The following BLVRB variants were observed in gnomAD, a reference collection of about 807,000 sequenced individuals.
BLVRB encodes the protein biliverdin reductase B.
In BLVRB, 25 loss-of-function variants were observed where a neutral mutation model predicts 21.1. The observed-to-expected ratio is 1.19, with a 90% CI of 0.86 to 1.66. The LOEUF (loss-of-function observed/expected upper bound fraction) is 1.66. Ranked by LOEUF, BLVRB falls within the 40% of genes most tolerant of loss-of-function variation. The pLI is 0.00. For synonymous variants in BLVRB, 128 were observed against 122.2 expected, an observed-to-expected ratio of 1.05 and a Z score of -0.31; for missense variants, 274 against 282.7, an observed-to-expected ratio of 0.97 and a Z score of 0.22.
chr19:40,450,928 C>T (rs2079737115), intron 4 of BLVRB, among the ~76,000 whole-genome samples: 1 of 118,198 alleles, frequency 8.5e-6, no homozygotes. Flanking sequence ...TAAGCCATGG[C>T]GGGGCATGGT....
intron 3 of BLVRB, among the ~76,000 whole-genome samples, chr19:40,453,667 T>G (rs2079750231): frequency 1.3e-5 from 2 of 152,302 alleles, no homozygotes; most frequent in South Asian, 4.1e-4. Flanking sequence ...GGCCAGCTTC[T>G]TGTTTCCTCA....
At chr19:40,458,049 AATGCACAGT>A (rs1190481068) in intron 3 of BLVRB, 97 bp downstream of exon 3, 1 of 1,114,486 alleles carries the variant, frequency 9.0e-7, no homozygotes, top group East Asian at 2.5e-5. Flanking sequence ...GTGTTCAGTA[AATGCACAGT>A]AACATGGAAT....
At position 40,447,905 on chromosome 19, in the gene BLVRB, G is replaced by A. The variant is rs770469496; in HGVS notation, c.605C>T (p.Ser202Phe). 2 of 1,613,852 alleles carry A rather than the reference G, an allele frequency of 1.2e-6. No individual in the cohort carries two copies. The highest frequency in any genetic ancestry group is 2.2e-5 in the East Asian group (1 of 44,850). The change falls in exon 5 of 5, where the codon TCC becomes TTC. Residue 202 changes from serine (S) to phenylalanine (F), a missense_variant. By Grantham distance (155) the Ser-to-Phe change is radical. Coordinates refer to ENST00000263368, the MANE Select transcript of BLVRB (RefSeq NM_000713.3). ...GACAGAGTGCTACTGGTACTGGTGG[G>A]AGGGGTAGGTGCTGTGTCCGTCGTA... is the stretch of plus-strand genomic sequence containing the variant. ...DEYDGHSTYP[S>F]HQYQ
At chr19:40,449,155 C>G (rs540891002) in intron 4 of BLVRB, among the ~76,000 whole-genome samples, 1 of 151,776 alleles carries the variant, frequency 6.6e-6, no homozygotes, top group Non-Finnish European at 1.5e-5. Flanking sequence ...TGTGACAAAA[C>G]AGCTAGAAAA....
chr19:40,455,941 A>C (rs1056995254), intron 3 of BLVRB, among the ~76,000 whole-genome samples: 1 of 152,042 alleles, frequency 6.6e-6, no homozygotes, highest in Admixed American at 6.6e-5. Context: ...GCGAAACTCT[A>C]TCTCTACCAA....
chr19:40,451,326 A>C (rs1354876830), intron 4 of BLVRB, 38 bp downstream of exon 4: 1 of 1,581,602 alleles, frequency 6.3e-7, no homozygotes, highest in African/African-American at 1.3e-5. Flanking sequence ...GGGAACAGGC[A>C]GATGGCATTG....
intron 4 of BLVRB, 66 bp from the exon 5 acceptor site, chr19:40,448,112 C>T (rs2079722346): frequency 6.5e-7 from 1 of 1,537,386 alleles, no homozygotes; most frequent in Admixed American, 1.8e-5. Context: ...AAATTCGACC[C>T]CCAGAAAGAC....
intron 1 of BLVRB, among the ~76,000 whole-genome samples, chr19:40,463,623 C>G: frequency 7.1e-6 from 1 of 140,972 alleles, no homozygotes; most frequent in Non-Finnish European, 1.5e-5. Flanking sequence ...TTCCTTCTTT[C>G]CTTTCATCTT....
chr19:40,461,051 T>TA (rs1237093341), intron 1 of BLVRB, among the ~76,000 whole-genome samples: 1 of 151,536 alleles, frequency 6.6e-6, no homozygotes, highest in Non-Finnish European at 1.5e-5. Context: ...AAAGACACAA[T>TA]AAAAAAATTA....
chr19:40,459,327 C>CAAAAAAAAAAAA lies in BLVRB; in HGVS notation c.80-794_80-783dup, dbSNP rs751696189. 4.4e-4 allele frequency among the ~76,000 whole-genome samples: 15 copies of CAAAAAAAAAAAA among 34,424 alleles called. 2 individuals are homozygous for CAAAAAAAAAAAA. Among genetic ancestry groups the CAAAAAAAAAAAA allele is most frequent in the Non-Finnish European group, 4.7e-4 (9 of 18,952 alleles). The allele number at this position is 34,424 out of a possible 152,430, so 22.6% of individuals were successfully genotyped here. A position where few individuals can be genotyped will look rare whatever the true frequency, so the allele number is the denominator to read the frequency against. On this transcript the variant is annotated intron_variant, in intron 1 of 4. Transcript: ENST00000263368. ...TGGATGACAAAGCGAGACTCTATCT[C>CAAAAAAAAAAAA]AAAAAAAAAAAAAAAAAAAAAAAAA...
At chr19:40,450,848 A>ATCTG (rs1207647544) in intron 4 of BLVRB, among the ~76,000 whole-genome samples, 2 of 147,362 alleles carry the variant, frequency 1.4e-5, no homozygotes, top group African/African-American at 5.0e-5. Flanking sequence ...CTATGTATCT[A>ATCTG]TCTATCTATC....
chr19:40,458,174 C>T lies in BLVRB; in HGVS notation c.315G>A (p.Lys105=). 6.2e-7 allele frequency: 1 copy of T among 1,614,080 alleles called. No individual in the cohort carries two copies. Among genetic ancestry groups the T allele is most frequent in the Non-Finnish European group, 8.5e-7 (1 of 1,179,988 alleles). Residue 105 remains lysine, a synonymous_variant, in exon 3 of 5, where the codon AAG becomes AAA. Coordinates refer to ENST00000263368, the MANE Select transcript of BLVRB (RefSeq NM_000713.3). ...ACCCACCCGAGGTGCAGGCCACGACCTTGTCCACACCATGAGCCTTCATGG... is the reference window on the plus strand; with the variant it reads ...ACCCACCCGAGGTGCAGGCCACGACTTTGTCCACACCATGAGCCTTCATGG... ...VAAMKAHGVD[K]VVACTSAFLL...
chr19:40,451,400 C>T lies in BLVRB; in HGVS notation c.427G>A (p.Gly143Ser). ...GGCATCACAGCCACGTACTTCAGGCCTGATTCCCGCAGCACCTTGTGCATC... is the reference window on the plus strand; with the variant it reads ...GGCATCACAGCCACGTACTTCAGGCTTGATTCCCGCAGCACCTTGTGCATC... ...IRMHKVLRES[G>S]LKYVAVMPPH... The change falls in exon 4 of 5, where the codon GGC (glycine) becomes AGC (serine). Residue 143 changes from glycine to serine, a missense_variant. Gly to Ser is a moderately conservative substitution (Grantham distance 56). Coordinates refer to ENST00000263368, the MANE Select transcript of BLVRB (RefSeq NM_000713.3). 6.2e-7 allele frequency: 1 copy of T among 1,610,744 alleles called. No homozygotes were observed. The highest frequency in any genetic ancestry group is 8.5e-7 in the Non-Finnish European group (1 of 1,178,772).
intron 1 of BLVRB, among the ~76,000 whole-genome samples, chr19:40,464,408 C>CT (rs141266320): frequency 0.25 from 38,645 of 151,976 alleles, 5,315 homozygotes; most frequent in African/African-American, 0.34. Flanking sequence ...CTTCCCTTTG[C>CT]TGAGGGGGAC....
At chr19:40,461,919 A>T (rs1298640224) in intron 1 of BLVRB, among the ~76,000 whole-genome samples, 3 of 152,258 alleles carry the variant, frequency 2.0e-5, no homozygotes, top group East Asian at 1.9e-4. Context: ...TCCCCCCAGT[A>T]ACTTGTACTT....
rs752531257 is a variant in BLVRB at position 40,458,506 on chromosome 19, A to C, written c.119T>G (p.Leu40Arg). The C allele has an allele frequency of 2.5e-6, 4 of 1,611,772 alleles. No individual in the cohort carries two copies. The East Asian group carries it at 6.7e-5, about 27-fold the overall frequency. The change falls in exon 2 of 5, where the codon CTG (leucine) becomes CGG (arginine). Residue 40 changes from leucine (L) to arginine (R), a missense_variant. By Grantham distance (102) the Leu-to-Arg change is moderately radical (BLOSUM62 -2). Coordinates refer to ENST00000263368, the MANE Select transcript of BLVRB (RefSeq NM_000713.3). Reference sequence around the variant, plus strand: ...GGCCGGCCGGGGCCCCTCTGATGGCAGCCTGGAGGAGTCCCGCACCAGCAC... The same window carrying C: ...GGCCGGCCGGGGCCCCTCTGATGGCCGCCTGGAGGAGTCCCGCACCAGCAC... ...VTVLVRDSSR[L>R]PSEGPRPAHV...
chr19:40,456,153 T>C (rs1250864325), intron 3 of BLVRB, among the ~76,000 whole-genome samples: 1 of 152,216 alleles, frequency 6.6e-6, no homozygotes, highest in African/African-American at 2.4e-5. Flanking sequence ...CCATGATGTA[T>C]GTAAGCTAAC....
rs753037038 is a variant in BLVRB, at chr19:40,465,673, T to C, written c.16A>G (p.Ile6Val). Reference sequence around the variant, plus strand: ...TGGCCAGTGGCGCCGAAGATCGCGATCTTCTTGACGGCCATCGTACGGGAT... The same window carrying C: ...TGGCCAGTGGCGCCGAAGATCGCGACCTTCTTGACGGCCATCGTACGGGAT... The part of the protein sequence containing the change: MAVKK[I>V]AIFGATGQTG... Residue 6 changes from isoleucine (I) to valine (V), a missense_variant, in exon 1 of 5, where the codon ATC (isoleucine) becomes GTC (valine). By Grantham distance (29) the Ile-to-Val change is conservative (BLOSUM62 3). Coordinates refer to ENST00000263368, the MANE Select transcript of BLVRB (RefSeq NM_000713.3). 17 of 1,612,688 alleles carry C rather than the reference T, an allele frequency of 1.1e-5. No homozygotes were observed. The East Asian group carries it at 2.5e-4, about 23-fold the overall frequency.
In BLVRB at chr19:40,458,483, C is replaced by T. The variant is rs988242581; in HGVS notation, c.142G>A (p.Ala48Thr). The change falls in exon 2 of 5, where the codon GCC (alanine) becomes ACC (threonine). Residue 48 changes from alanine (A) to threonine (T), a missense_variant. Physicochemically the swap from Ala to Thr is moderately conservative, Grantham distance 58 (BLOSUM62 0). Coordinates refer to ENST00000263368, the MANE Select transcript of BLVRB (RefSeq NM_000713.3). The stretch of plus-strand genomic sequence containing the variant: ...AGAACATCTCCCACTACCACGTGGG[C>T]CGGCCGGGGCCCCTCTGATGGCAGC... ...SRLPSEGPRP[A>T]HVVVGDVLQA... 6.2e-7 allele frequency: 1 copy of T among 1,609,512 alleles called. No homozygotes were observed. The highest frequency in any genetic ancestry group is 8.5e-7 in the Non-Finnish European group (1 of 1,178,462).
Sources: allele counts gnomAD v4.1 joint callset (sites outside exome capture counted in the v4.1 genomes callset), GRCh38; gene constraint gnomAD v4.1.1; transcripts MANE v1.5; gene names NCBI Gene and HGNC (gene_info 2026-07-23, HGNC 2026-07-21).